WDR47: variants seen among roughly 807,000 people sequenced by gnomAD.
The protein encoded by WDR47 is WD repeat-containing protein 47.
Under a neutral mutation model 97.2 loss-of-function variants are expected in WDR47, and 32 were observed. The observed-to-expected ratio is 0.33, with a 90% CI of 0.25 to 0.44. The LOEUF is 0.44. Ranked by LOEUF, WDR47 falls within the 20% of genes least tolerant of loss-of-function variation. The pLI, the probability that WDR47 is intolerant of heterozygous loss-of-function variation, is 1.00. For synonymous variants in WDR47, 375 were observed against 373.5 expected (o/e 1.00, Z -0.05); for missense variants, 782 against 1,102.3 (o/e 0.71, Z 4.11).
At chr1:109,039,285 G>A (rs1394216116) in intron 1 of WDR47, among the ~76,000 whole-genome samples, 2 of 151,374 alleles carry the variant, frequency 1.3e-5, no homozygotes, top group African/African-American at 2.4e-5. Context: ...GTGGAATCTC[G>A]CTTTGTCGCC....
rs1661952843 is a variant in WDR47 at position 109,022,924 on chromosome 1, G to C, written c.158+431C>G. 4.6e-5 allele frequency among the ~76,000 whole-genome samples: 7 copies of C among 150,910 alleles called. No homozygotes were observed. The South Asian group carries it at 1.3e-3, about 27-fold the overall frequency. On this transcript the variant is annotated intron_variant, in intron 2 of 14. Transcript: ENST00000369962. The stretch of plus-strand genomic sequence containing the variant: ...TTCTATTTTTAAAATATTTTTTTAG[G>C]TCGGGTGCGGTGGCTCACGCCTGTA...
At position 108,970,564 on chromosome 1, in the gene WDR47, C is replaced by G. The variant is rs1273306330; in HGVS notation, c.*866G>C. ...ATTTTAAATTATCATGCAGACATAG[C>G]ATTTCAAGCCATGCTATGGTCTATG... On this transcript the variant is annotated 3_prime_UTR_variant, in exon 15 of 15. Transcript: ENST00000369962. The G allele has an allele frequency of 6.6e-6, 1 of 152,590 alleles. No individual in the cohort carries two copies. The highest frequency in any genetic ancestry group is 2.4e-5 in the African/African-American group (1 of 41,438). 9.5% of individuals were successfully genotyped at this position (152,590 alleles called of 1,614,324 possible).
chr1:108,981,265 T>G (rs1026664013), intron 13 of WDR47, among the ~76,000 whole-genome samples: 1 of 152,130 alleles, frequency 6.6e-6, no homozygotes, highest in Non-Finnish European at 1.5e-5. Flanking sequence ...CGTGTGTGTG[T>G]ATTTGTGTTT....
intron 4 of WDR47, among the ~76,000 whole-genome samples, chr1:109,012,740 C>G (rs1280368650): frequency 1.3e-5 from 2 of 152,102 alleles, no homozygotes; most frequent in African/African-American, 4.8e-5. Context: ...CTTCAGCACT[C>G]ACCTAGTCTA....
In WDR47 at chr1:108,991,059, C is replaced by T. The variant is rs150697055; in HGVS notation, c.1767+195G>A. On this transcript the variant is annotated intron_variant, in intron 9 of 14. Transcript: ENST00000369962. Reference sequence around the variant, plus strand: ...TGTTGCCCAGGTTGGAGTGGTGCAACGGCTATCCACAGGTGCGATTCTAGT... The same window carrying T: ...TGTTGCCCAGGTTGGAGTGGTGCAATGGCTATCCACAGGTGCGATTCTAGT... 9.0e-3 allele frequency among the ~76,000 whole-genome samples: 1,364 copies of T among 151,342 alleles called. 25 individuals carry two copies. The highest frequency in any genetic ancestry group is 0.032 in the African/African-American group (1,308 of 41,214).
intron 1 of WDR47, 62 bp from the exon 2 acceptor site, chr1:109,023,583 C>T (rs1249931511): frequency 6.6e-7 from 1 of 1,509,952 alleles, no homozygotes; most frequent in East Asian, 2.3e-5. Context: ...AGTTTAACTG[C>T]CTGGCAACTA....
chr1:108,995,776 C>A lies in WDR47; in HGVS notation c.1495G>T (p.Ala499Ser), dbSNP rs1397910218. The change falls in exon 8 of 15, where the codon GCA becomes TCA. Residue 499 changes from alanine (A) to serine (S), a missense_variant. Around this residue, in one of 3 missense-constraint regions of WDR47, gnomAD observed 126 missense variants for 121.3 expected, o/e 1.04. Coordinates refer to ENST00000369962, the MANE Select transcript of WDR47 (RefSeq NM_001142551.2). The stretch of plus-strand genomic sequence containing the variant: ...CTCCCATTACATTGCTGGTTGAGTG[C>A]TGATACCTCATTACCAAGGCCATCC... ...GMDGLGNEVS[A>S]LNQQCNGSKG... 6.2e-7 allele frequency: 1 copy of A among 1,614,098 alleles called. No individual in the cohort carries two copies. The highest frequency in any genetic ancestry group is 2.2e-5 in the East Asian group (1 of 44,864).
Position 108,971,408 on chromosome 1 carries a change from A to T in WDR47, c.*22T>A. On this transcript the variant is annotated 3_prime_UTR_variant, in exon 15 of 15. Transcript: ENST00000369962. ...TCTTAAGTCTCTGTGCTTTTGCTGC[A>T]TAGACTGACATGCGGTGTGCTCTAC... The T allele has an allele frequency of 6.2e-7, 1 of 1,613,708 alleles. No homozygotes were observed. The highest frequency in any genetic ancestry group is 8.5e-7 in the Non-Finnish European group (1 of 1,179,788).
rs919576066 is a variant in WDR47 at position 109,010,997 on chromosome 1, T to A, written c.1049A>T (p.Tyr350Phe). 1.7e-5 allele frequency: 27 copies of A among 1,614,040 alleles called. No homozygotes were observed. The highest frequency in any genetic ancestry group is 2.2e-5 in the Non-Finnish European group (26 of 1,180,046). ...TCTACTGAGGTTTTGTACCCCTGGA[T>A]AATGGAAGTTAGCAAAGGAGTGTGA... ...PMSHSFANFHYPGVQNLSRSL... is the reference protein window; with the variant it reads ...PMSHSFANFHFPGVQNLSRSL... The change falls in exon 5 of 15, where the codon TAT (tyrosine) becomes TTT (phenylalanine). Residue 350 changes from tyrosine (Y) to phenylalanine (F), a missense_variant. By Grantham distance (22) the Tyr-to-Phe change is conservative. Around this residue, in one of 3 missense-constraint regions of WDR47, gnomAD observed 428 missense variants for 584.3 expected, o/e 0.73. Transcript: ENST00000369962.
At chr1:108,987,337 AGAGATG>A (rs1304426846) in intron 9 of WDR47, 3 of 152,762 alleles carry the variant, frequency 2.0e-5, no homozygotes, top group African/African-American at 7.2e-5. Flanking sequence ...AAAAAAAAAT[AGAGATG>A]GAGTTTCGCC....
chr1:108,975,352 G>A (rs1015891618), intron 13 of WDR47, among the ~76,000 whole-genome samples: 13 of 151,520 alleles, frequency 8.6e-5, no homozygotes, highest in East Asian at 1.9e-4. Context: ...GGCTGGGCGC[G>A]GTGGCTCATG....
chr1:108,995,573 CA>C lies in WDR47; in HGVS notation c.1691+6del, dbSNP rs1194834511. The C allele has an allele frequency of 1.2e-6, 2 of 1,613,448 alleles. No individual in the cohort carries two copies. The highest frequency in any genetic ancestry group is 2.2e-5 in the South Asian group (2 of 91,054). On this transcript the variant is annotated splice_donor_region_variant and intron_variant, in intron 8 of 14. Transcript: ENST00000369962. ...TATTTCCAAGTTTTACAAAGTCAAG[CA>C]CTTACATTTGGCTTCCACAAGGTGA...
At chr1:108,998,385 C>G (rs1659916040) in intron 7 of WDR47, among the ~76,000 whole-genome samples, 1 of 151,948 alleles carries the variant, frequency 6.6e-6, no homozygotes, top group Non-Finnish European at 1.5e-5. Context: ...CACTTGTGGT[C>G]CCCGCTACCT....
chr1:108,974,182 G>A (rs954802976), intron 14 of WDR47, among the ~76,000 whole-genome samples: 2 of 151,422 alleles, frequency 1.3e-5, no homozygotes, highest in Admixed American at 6.6e-5. Flanking sequence ...GCGACAGAGC[G>A]AGACCCTGTC....
At chr1:109,006,935 G>GA (rs961012776) in intron 5 of WDR47, among the ~76,000 whole-genome samples, 34 of 150,224 alleles carry the variant, frequency 2.3e-4, no homozygotes, top group African/African-American at 6.1e-4. Flanking sequence ...AGTAATCACT[G>GA]AAAAAAAAAA....
At chr1:109,023,762 T>C (rs1343191890) in intron 1 of WDR47, among the ~76,000 whole-genome samples, 1 of 152,172 alleles carries the variant, frequency 6.6e-6, no homozygotes. Flanking sequence ...TTAAATGATA[T>C]AAACTTTGTG....
chr1:109,004,640 A>G lies in WDR47; in HGVS notation c.1206T>C (p.Pro402=), dbSNP rs376171471. The stretch of plus-strand genomic sequence containing the variant: ...GTCCTGGATTCTGTGCTCCATTTGC[A>G]GGCTCTTTTTCTGAAACTGAACTCT... ...LGQSSVSEKE[P]ANGAQNPGPA... is the part of the protein sequence containing the mutation. Residue 402 remains proline (P), a synonymous_variant, in exon 6 of 15, where the codon CCT becomes CCC. Coordinates refer to ENST00000369962, the MANE Select transcript of WDR47 (RefSeq NM_001142551.2). The G allele has an allele frequency of 2.5e-6, 4 of 1,613,516 alleles. No homozygotes were observed. The highest frequency in any genetic ancestry group is 3.4e-6 in the Non-Finnish European group (4 of 1,179,812).
chr1:108,973,461 TAATTGATATACAATA>T (rs1657638266), intron 14 of WDR47, among the ~76,000 whole-genome samples: 1 of 152,216 alleles, frequency 6.6e-6, no homozygotes, highest in Non-Finnish European at 1.5e-5. Flanking sequence ...TGTCAGTCCC[TAATTGATATACAATA>T]AATATTTGCT....
intron 9 of WDR47, among the ~76,000 whole-genome samples, chr1:108,988,564 C>T (rs1048346674): frequency 6.6e-6 from 1 of 151,742 alleles, no homozygotes; most frequent in Admixed American, 6.6e-5. Context: ...TGCCCGTAGT[C>T]ACAGCTACTC....
Sources: allele counts gnomAD v4.1 joint callset (sites outside exome capture counted in the v4.1 genomes callset), GRCh38; gene constraint gnomAD v4.1.1; regional missense constraint gnomAD v4.1.1; transcripts MANE v1.5; gene names NCBI Gene and HGNC (gene_info 2026-07-23, HGNC 2026-07-21).